The following ARHGAP20 variants were observed in gnomAD, a reference collection of about 807,000 sequenced individuals.
ARHGAP20 encodes rho GTPase-activating protein 20.
ARHGAP20 carries 34 observed loss-of-function variants against 73.7 expected under a neutral mutation model. The observed-to-expected ratio is 0.46, with a 90% CI of 0.35 to 0.61. The LOEUF is 0.61. ARHGAP20 is among the 20% of genes least tolerant of loss of function. ARHGAP20 has a pLI of 0.00. For synonymous variants in ARHGAP20, 523 were observed against 518.2 expected (o/e 1.01, Z -0.13); for missense variants, 1,314 against 1,420.9 (o/e 0.92, Z 1.21).
chr11:110,676,794 G>A (rs1949940416), intron 2 of ARHGAP20, among the ~76,000 whole-genome samples: 1 of 151,468 alleles, frequency 6.6e-6, no homozygotes, highest in South Asian at 2.1e-4. Flanking sequence ...CAAAATTATA[G>A]AGACTTAAAT....
In ARHGAP20 at chr11:110,703,025, G is replaced by C. The variant is rs11213549; in HGVS notation, c.105+9102C>G. ...CAATGACTTTCTTCACAGAATAGGAGAATTACTTTTAACCTTGCACCTTGC... is the reference window on the plus strand; with the variant it reads ...CAATGACTTTCTTCACAGAATAGGACAATTACTTTTAACCTTGCACCTTGC... On this transcript the variant is annotated intron_variant, in intron 1 of 14. Coordinates refer to ENST00000683387, the MANE Select transcript of ARHGAP20 (RefSeq NM_001384657.1). 1.6e-3 allele frequency among the ~76,000 whole-genome samples: 241 copies of C among 152,124 alleles called. 1 individual carries two copies. Among genetic ancestry groups the C allele is most frequent in the African/African-American group, 5.4e-3 (223 of 41,514 alleles).
chr11:110,578,085 A>G lies in ARHGAP20; in HGVS notation c.*1285T>C. The G allele has an allele frequency of 1.0e-6, 1 of 985,464 alleles. No homozygotes were observed. Among genetic ancestry groups the G allele is most frequent in the Non-Finnish European group, 1.2e-6 (1 of 829,944 alleles). The allele number at this position is 985,464 out of a possible 1,614,324, so 61.0% of individuals were successfully genotyped here. ...TGCCATCCCTGCATACTAGTTGGCA[A>G]GGCCTGATAATCTATTCCTAGGTGA... On this transcript the variant is annotated 3_prime_UTR_variant, in exon 15 of 15. Transcript: ENST00000683387.
At chr11:110,648,145 GATATATATAATATAT>G (rs1565457177) in intron 2 of ARHGAP20, among the ~76,000 whole-genome samples, 1 of 134,242 alleles carries the variant, frequency 7.4e-6, no homozygotes, top group Non-Finnish European at 1.6e-5. Context: ...CTCGGTCAGT[GATATATATAATATAT>G]ATATATATGT....
chr11:110,591,114 T>C (rs1178738000), intron 10 of ARHGAP20, among the ~76,000 whole-genome samples: 1 of 152,146 alleles, frequency 6.6e-6, no homozygotes, highest in Admixed American at 6.5e-5. Context: ...TAATAATGCA[T>C]TATATTCCTA....
intron 2 of ARHGAP20, among the ~76,000 whole-genome samples, chr11:110,654,855 T>G (rs995087102): frequency 6.6e-6 from 1 of 152,222 alleles, no homozygotes; most frequent in Non-Finnish European, 1.5e-5. Context: ...AATACAATTA[T>G]ATTGTAAATA....
intron 11 of ARHGAP20, among the ~76,000 whole-genome samples, chr11:110,588,975 G>A (rs1947748338): frequency 6.6e-6 from 1 of 152,114 alleles, no homozygotes; most frequent in African/African-American, 2.4e-5. Flanking sequence ...AGGAGGCTGA[G>A]GCAGGAGAAT....
chr11:110,658,689 ATATATTGT>A (rs1949527991), intron 2 of ARHGAP20, among the ~76,000 whole-genome samples: 1 of 152,144 alleles, frequency 6.6e-6, no homozygotes, highest in Non-Finnish European at 1.5e-5. Context: ...AACACAGACA[ATATATTGT>A]TAGGCAAGGA....
chr11:110,644,002 A>G (rs1949130950), intron 2 of ARHGAP20, among the ~76,000 whole-genome samples: 1 of 152,108 alleles, frequency 6.6e-6, no homozygotes, highest in South Asian at 2.1e-4. Context: ...TCATTATAGC[A>G]TTTCTATACA....
intron 1 of ARHGAP20, among the ~76,000 whole-genome samples, chr11:110,709,563 T>A (rs1023520688): frequency 6.6e-6 from 1 of 152,184 alleles, no homozygotes; most frequent in Non-Finnish European, 1.5e-5. Context: ...ATGGCAGGCC[T>A]CTGCTAGAAC....
intron 1 of ARHGAP20, among the ~76,000 whole-genome samples, chr11:110,709,561 C>T (rs1950609123): frequency 6.6e-6 from 1 of 152,176 alleles, no homozygotes. Context: ...CAATGGCAGG[C>T]CTCTGCTAGA....
At chr11:110,676,599 CAATTT>C (rs1157452238) in intron 2 of ARHGAP20, among the ~76,000 whole-genome samples, 1 of 152,092 alleles carries the variant, frequency 6.6e-6, no homozygotes, top group African/African-American at 2.4e-5. Flanking sequence ...ATGGGAACTA[CAATTT>C]AAGATGAGAT....
In ARHGAP20 at chr11:110,579,331, C is replaced by T. The variant is rs1947369891; in HGVS notation, c.*39G>A. 6.5e-7 allele frequency: 1 copy of T among 1,532,338 alleles called. No homozygotes were observed. Among genetic ancestry groups the T allele is most frequent in the Non-Finnish European group, 8.8e-7 (1 of 1,136,900 alleles). The allele number at this position is 1,532,338 out of a possible 1,614,324, so 94.9% of individuals were successfully genotyped here. ...ATAATTATTGTCTATTATTATTAAC[C>T]CAGTTCCTGTTCTTGTGGACATCAG... On this transcript the variant is annotated 3_prime_UTR_variant, in exon 15 of 15. Transcript: ENST00000683387.
chr11:110,596,962 TA>T (rs1359803880), intron 9 of ARHGAP20, among the ~76,000 whole-genome samples: 10 of 151,760 alleles, frequency 6.6e-5, no homozygotes, highest in Non-Finnish European at 1.3e-4. Context: ...TATGCAGCCA[TA>T]AAAAAGGATG....
At chr11:110,705,932 C>G (rs1034270813) in intron 1 of ARHGAP20, among the ~76,000 whole-genome samples, 1 of 152,088 alleles carries the variant, frequency 6.6e-6, no homozygotes, top group African/African-American at 2.4e-5. Context: ...GTACATCTGC[C>G]TTATACAAAA....
chr11:110,661,926 C>T (rs554403212), intron 2 of ARHGAP20, among the ~76,000 whole-genome samples: 1 of 152,044 alleles, frequency 6.6e-6, no homozygotes, highest in South Asian at 2.1e-4. Context: ...ACTGCAGGAT[C>T]ATTTATAACC....
Position 110,590,636 on chromosome 11 carries a change from G to T in ARHGAP20, c.1305+12C>A, listed in dbSNP as rs1322693347. Reference sequence around the variant, plus strand: ...TACACCATGGGGTGGATAAAGGGATGACTCTTCTTACCTTTAAGACAGATG... The same window carrying T: ...TACACCATGGGGTGGATAAAGGGATTACTCTTCTTACCTTTAAGACAGATG... On this transcript the variant is annotated intron_variant, in intron 11 of 14. Coordinates refer to ENST00000683387, the MANE Select transcript of ARHGAP20 (RefSeq NM_001384657.1). 9 of 1,608,452 alleles carry T rather than the reference G, an allele frequency of 5.6e-6. No homozygotes were observed. In the East Asian group the frequency reaches 1.8e-4, roughly 32 times the overall value.
chr11:110,650,959 C>A (rs1464350956), intron 2 of ARHGAP20, among the ~76,000 whole-genome samples: 1 of 152,142 alleles, frequency 6.6e-6, no homozygotes, highest in Non-Finnish European at 1.5e-5. Flanking sequence ...GGCCACATGG[C>A]ACTTATTCTA....
At chr11:110,629,610 T>A (rs187271384) in intron 3 of ARHGAP20, among the ~76,000 whole-genome samples, 19 of 152,330 alleles carry the variant, frequency 1.2e-4, no homozygotes, top group African/African-American at 4.6e-4. Context: ...ACGGTTCTTA[T>A]CTTTATGCTT....
chr11:110,607,483 C>T (rs926654172), intron 8 of ARHGAP20, among the ~76,000 whole-genome samples: 6 of 152,298 alleles, frequency 3.9e-5, no homozygotes, highest in African/African-American at 9.6e-5. Context: ...TAAGTAATTA[C>T]GTCCTTTTAG....
Sources: allele counts gnomAD v4.1 joint callset (sites outside exome capture counted in the v4.1 genomes callset), GRCh38; gene constraint gnomAD v4.1.1; transcripts MANE v1.5; gene names NCBI Gene and HGNC (gene_info 2026-07-23, HGNC 2026-07-21).